The following ABCA12 variants were observed in gnomAD, a reference collection of about 807,000 sequenced individuals.
ABCA12 encodes the protein glucosylceramide transporter ABCA12.
Under a neutral mutation model 293.5 loss-of-function variants are expected in ABCA12, and 156 were observed. The ratio of observed to expected loss-of-function variants is 0.53; its 90% CI spans 0.47 to 0.61. The LOEUF is 0.61. ABCA12 is among the 20% of genes least tolerant of loss of function. The pLI, the probability that ABCA12 is intolerant of heterozygous loss-of-function variation, is 0.00. For synonymous variants in ABCA12, 1,063 were observed against 1,108.0 expected (o/e 0.96, Z 0.81); for missense variants, 2,797 against 3,090.2 (o/e 0.91, Z 2.25).
At chr2:214,938,556 GT>G (rs778514320) in intron 50 of ABCA12, among the ~76,000 whole-genome samples, 8 of 152,118 alleles carry the variant, frequency 5.3e-5, no homozygotes, top group Non-Finnish European at 1.0e-4. Flanking sequence ...TTCCACGATG[GT>G]TGAACTAATT....
chr2:215,061,829 C>G (rs1701534137), intron 3 of ABCA12, among the ~76,000 whole-genome samples: 1 of 151,958 alleles, frequency 6.6e-6, no homozygotes, highest in African/African-American at 2.4e-5. Flanking sequence ...ATCCTACTTC[C>G]AAAACCAACT....
chr2:214,967,015 C>T, intron 38 of ABCA12, 62 bp from the exon 39 acceptor site: 1 of 1,194,004 alleles, frequency 8.4e-7, no homozygotes, highest in Non-Finnish European at 1.3e-6. Context: ...GCTGTCTTAA[C>T]ATCTGACAGC....
chr2:215,094,035 C>G (rs975498917), intron 2 of ABCA12, among the ~76,000 whole-genome samples: 6 of 152,288 alleles, frequency 3.9e-5, no homozygotes, highest in African/African-American at 1.4e-4. Flanking sequence ...GAGGCTACCA[C>G]TCTACCCGCC....
At chr2:215,058,930 T>C (rs1354116569) in intron 3 of ABCA12, among the ~76,000 whole-genome samples, 1 of 152,012 alleles carries the variant, frequency 6.6e-6, no homozygotes, top group Admixed American at 6.6e-5. Flanking sequence ...TTTATATATA[T>C]CGTCTTAATG....
At chr2:215,116,615 T>C (rs1472233426) in intron 1 of ABCA12, among the ~76,000 whole-genome samples, 2 of 152,148 alleles carry the variant, frequency 1.3e-5, no homozygotes, top group Non-Finnish European at 2.9e-5. Context: ...TCCATGAATC[T>C]ATGCTGATGG....
chr2:215,065,772 T>C (rs1701629418), intron 2 of ABCA12, among the ~76,000 whole-genome samples: 1 of 152,090 alleles, frequency 6.6e-6, no homozygotes, highest in Non-Finnish European at 1.5e-5. Context: ...CCTCCAGAAC[T>C]GTAAAATAAT....
chr2:214,997,919 T>A, intron 22 of ABCA12, 110 bp from the exon 23 acceptor site: 1 of 719,810 alleles, frequency 1.4e-6, no homozygotes, highest in Non-Finnish European at 2.5e-6. Context: ...CTTATGATCG[T>A]GTTTTGAAAT....
intron 3 of ABCA12, among the ~76,000 whole-genome samples, chr2:215,058,980 G>A (rs890789295): frequency 6.6e-6 from 1 of 151,928 alleles, no homozygotes; most frequent in African/African-American, 2.4e-5. Context: ...TTTTTCCTAT[G>A]AGTAGGAAAC....
intron 8 of ABCA12, chr2:215,032,717 A>G (rs1285546988): frequency 6.8e-6 from 1 of 147,612 alleles, no homozygotes; most frequent in Non-Finnish European, 1.5e-5. Flanking sequence ...TAGGGAAATG[A>G]TATCACTTAT....
chr2:215,052,365 C>T (rs1701335995), intron 5 of ABCA12, 122 bp downstream of exon 5: 1 of 778,806 alleles, frequency 1.3e-6, no homozygotes, highest in Non-Finnish European at 2.2e-6. Flanking sequence ...AAAGAAGTTG[C>T]CTGAGATATT....
intron 35 of ABCA12, among the ~76,000 whole-genome samples, 173 bp from the exon 36 acceptor site, chr2:214,974,215 C>A (rs575341111): frequency 6.6e-6 from 1 of 152,154 alleles, no homozygotes; most frequent in East Asian, 1.9e-4. Flanking sequence ...AATGATTTGA[C>A]GTTTTGTGAT....
intron 3 of ABCA12, among the ~76,000 whole-genome samples, chr2:215,063,210 A>G (rs1314144532): frequency 6.6e-6 from 1 of 152,020 alleles, no homozygotes; most frequent in African/African-American, 2.4e-5. Context: ...TATCACCTAG[A>G]TTATTTGATG....
intron 38 of ABCA12, among the ~76,000 whole-genome samples, chr2:214,968,211 C>A (rs1699307835): frequency 6.6e-6 from 1 of 152,098 alleles, no homozygotes. Context: ...AATGCCTTTT[C>A]CCTGACCCTC....
At chr2:215,081,631 C>T (rs1423976698) in intron 2 of ABCA12, among the ~76,000 whole-genome samples, 2 of 152,098 alleles carry the variant, frequency 1.3e-5, no homozygotes, top group Non-Finnish European at 2.9e-5. Flanking sequence ...CCTTGGATTA[C>T]TTTTAAACAT....
At position 215,012,043 on chromosome 2, in the gene ABCA12, G is replaced by A. The variant is rs1406247745; in HGVS notation, c.2049C>T (p.Gly683=). 2 of 1,613,920 alleles carry A rather than the reference G, an allele frequency of 1.2e-6. No homozygotes were observed. Among genetic ancestry groups the A allele is most frequent in the African/African-American group, 1.3e-5 (1 of 74,996 alleles). The change falls in exon 16 of 53, where the codon GGC becomes GGT. Residue 683 remains glycine (G), a synonymous_variant. Coordinates refer to ENST00000272895, the MANE Select transcript of ABCA12 (RefSeq NM_173076.3). The stretch of plus-strand genomic sequence containing the variant: ...TCATTTTGTCTAGCAGCGGATGTGT[G>A]CCAGAAGCCATCTGATTGAGAATCT... The part of the protein sequence containing the change: ...LKEILNQMAS[G]THPLLDKMRS...
chr2:215,069,005 C>T (rs1434133737), intron 2 of ABCA12, among the ~76,000 whole-genome samples: 3 of 152,142 alleles, frequency 2.0e-5, no homozygotes, highest in Admixed American at 6.6e-5. Flanking sequence ...TAGGCTGCCT[C>T]GGTGACATTT....
chr2:214,997,991 G>T (rs1700071963), intron 22 of ABCA12, among the ~76,000 whole-genome samples, 182 bp from the exon 23 acceptor site: 2 of 148,272 alleles, frequency 1.3e-5, no homozygotes, highest in South Asian at 4.4e-4. Context: ...CCATAGGTCT[G>T]TGATTTTTTT....
chr2:215,036,768 C>T (rs1358531569), intron 8 of ABCA12, among the ~76,000 whole-genome samples, 185 bp downstream of exon 8: 1 of 151,978 alleles, frequency 6.6e-6, no homozygotes, highest in Non-Finnish European at 1.5e-5. Flanking sequence ...CCACAGTTCC[C>T]TCTTCTTGGC....
intron 42 of ABCA12, among the ~76,000 whole-genome samples, chr2:214,955,899 G>A (rs1298974503): frequency 1.3e-5 from 2 of 152,008 alleles, no homozygotes; most frequent in Non-Finnish European, 2.9e-5. Flanking sequence ...CCTGAATATG[G>A]TATTATCCCG....
Sources: allele counts gnomAD v4.1 joint callset (sites outside exome capture counted in the v4.1 genomes callset), GRCh38; gene constraint gnomAD v4.1.1; transcripts MANE v1.5; gene names NCBI Gene and HGNC (gene_info 2026-07-23, HGNC 2026-07-21).